GCSAML: variants seen among roughly 807,000 people sequenced by gnomAD.
GCSAML encodes germinal center-associated signaling and motility-like protein.
GCSAML carries 9 observed loss-of-function variants against 13.0 expected under a neutral mutation model. The observed-to-expected ratio is 0.69, with a 90% confidence interval of 0.42 to 1.21. The LOEUF (loss-of-function observed/expected upper bound fraction) is 1.21, where lower values mean the gene tolerates loss of function less well. Among genes scored for constraint, GCSAML ranks in the 50% most tolerant of loss-of-function variants. The probability of loss-of-function intolerance (pLI) is 0.00; values close to 1 mark genes in which losing one functional copy is unlikely to be tolerated. For synonymous variants in GCSAML, 37 were observed against 52.9 expected (o/e 0.70, Z 1.31); for missense variants, 143 against 153.4 (o/e 0.93, Z 0.36).
At chr1:247,512,843 T>C (rs1249829220) in intron 1 of GCSAML, among the ~76,000 whole-genome samples, 3 of 152,166 alleles carry the variant, frequency 2.0e-5, no homozygotes, top group Admixed American at 6.5e-5. Flanking sequence ...CAGCAGAGGC[T>C]GCAGAACAGC....
At chr1:247,541,765 T>C (rs1269674556) in intron 2 of GCSAML, among the ~76,000 whole-genome samples, 2 of 152,104 alleles carry the variant, frequency 1.3e-5, no homozygotes, top group Non-Finnish European at 2.9e-5. Flanking sequence ...ATCTCAGCAC[T>C]TTGGGAAGCT....
At chr1:247,531,262 T>C (rs766812239) in intron 2 of GCSAML, 10 of 408,210 alleles carry the variant, frequency 2.4e-5, no homozygotes, top group Non-Finnish European at 4.4e-5. Context: ...CTTCGGATAC[T>C]GAGGAACAGC....
At chr1:247,563,312 T>C (rs1668208837) in intron 2 of GCSAML, among the ~76,000 whole-genome samples, 1 of 152,220 alleles carries the variant, frequency 6.6e-6, no homozygotes, top group Non-Finnish European at 1.5e-5. Flanking sequence ...TTATATTATA[T>C]GTATGTTTTC....
Position 247,574,834 on chromosome 1 carries a change from GGATGAGTCATAAGACT to G in GCSAML, c.*458_*473del, listed in dbSNP as rs759591774. Reference sequence around the variant, plus strand: ...TTTGGAGTTTATGCACAAGTGACCAGGATGAGTCATAAGACTGATGAAATAGACTGATTGTGGCAAT... The same window carrying G: ...TTTGGAGTTTATGCACAAGTGACCAGGATGAAATAGACTGATTGTGGCAAT... On this transcript the variant is annotated 3_prime_UTR_variant, in exon 5 of 5. Transcript: ENST00000366488. 567 of 184,226 alleles carry G rather than the reference GGATGAGTCATAAGACT, an allele frequency of 3.1e-3. 3 individuals are homozygous for G. Among genetic ancestry groups the G allele is most frequent in the Non-Finnish European group, 4.8e-3 (415 of 86,684 alleles). The allele number at this position is 184,226 out of a possible 1,614,324, so 11.4% of individuals were successfully genotyped here. A position where few individuals can be genotyped will look rare whatever the true frequency, so the allele number is the denominator to read the frequency against.
At chr1:247,574,020 GT>G in intron 4 of GCSAML, 122 bp from the exon 5 acceptor site, 1 of 1,086,718 alleles carries the variant, frequency 9.2e-7, no homozygotes, top group Non-Finnish European at 1.3e-6. Flanking sequence ...GAATGCTTGG[GT>G]TTTGGATACC....
intron 2 of GCSAML, among the ~76,000 whole-genome samples, chr1:247,534,284 G>C (rs998942225): frequency 2.0e-5 from 3 of 152,116 alleles, no homozygotes; most frequent in Non-Finnish European, 4.4e-5. Flanking sequence ...CTAACCCAGT[G>C]TCTGATACAC....
chr1:247,532,080 C>T, intron 2 of GCSAML: 2 of 1,614,110 alleles, frequency 1.2e-6, no homozygotes, highest in Non-Finnish European at 1.7e-6. Context: ...CCAAAGCTAG[C>T]CCAAGGCAAA....
At chr1:247,532,180 G>C (rs1481994867) in intron 2 of GCSAML, 1 of 1,614,140 alleles carries the variant, frequency 6.2e-7, no homozygotes, top group Admixed American at 1.7e-5. Flanking sequence ...GACACACTCG[G>C]TTGCCCCCAG....
At chr1:247,532,266 G>A in intron 2 of GCSAML, 2 of 1,614,204 alleles carry the variant, frequency 1.2e-6, no homozygotes, top group Non-Finnish European at 1.7e-6. Context: ...GGTTAGCCAG[G>A]AGCTGTGGGA....
chr1:247,545,619 C>T (rs1483964220), upstream of GCSAML, among the ~76,000 whole-genome samples: 3 of 152,110 alleles, frequency 2.0e-5, no homozygotes, highest in African/African-American at 4.8e-5. Context: ...TCATATTTCC[C>T]TAATAATTAG....
intron 2 of GCSAML, chr1:247,531,941 C>T (rs1376164317): frequency 6.2e-7 from 1 of 1,614,158 alleles, no homozygotes; most frequent in African/African-American, 1.3e-5. Flanking sequence ...CTGGTATCCA[C>T]ACAAGCCAGT....
At chr1:247,513,289 C>T (rs751398566) in intron 1 of GCSAML, among the ~76,000 whole-genome samples, 6 of 152,186 alleles carry the variant, frequency 3.9e-5, no homozygotes, top group Admixed American at 1.3e-4. Flanking sequence ...TCAAATTTCC[C>T]GGTGGCTTTG....
intron 2 of GCSAML, chr1:247,533,820 C>T (rs1361694903): frequency 1.3e-5 from 2 of 152,212 alleles, no homozygotes; most frequent in Non-Finnish European, 2.9e-5. Flanking sequence ...ATGAATCTGC[C>T]ATTTGTCAGT....
Position 247,576,153 on chromosome 1 carries a change from A to G in GCSAML, c.*1771A>G, listed in dbSNP as rs949490496. 6.6e-6 allele frequency: 1 copy of G among 152,216 alleles called. No homozygotes were observed. Among genetic ancestry groups the G allele is most frequent in the African/African-American group, 2.4e-5 (1 of 41,460 alleles). The allele number at this position is 152,216 out of a possible 1,614,324, so 9.4% of individuals were successfully genotyped here. On this transcript the variant is annotated 3_prime_UTR_variant, in exon 5 of 5. Transcript: ENST00000366488. ...ATCTGAATAGCCTGAAGGTAATTTT[A>G]TACAATATTTTAAATAATTTTATGC...
At chr1:247,532,488 A>C in intron 2 of GCSAML, 1 of 1,613,888 alleles carries the variant, frequency 6.2e-7, no homozygotes, top group Middle Eastern at 1.7e-4. Context: ...CTTCTGGAGA[A>C]CTCACATTGG....
At chr1:247,556,614 A>C in intron 2 of GCSAML, 148 bp downstream of exon 2, 1 of 586,732 alleles carries the variant, frequency 1.7e-6, no homozygotes, top group Admixed American at 3.1e-5. Flanking sequence ...ATGACTTGGC[A>C]GCAGGTTAGA....
At chr1:247,535,230 G>T (rs897450172) in intron 2 of GCSAML, among the ~76,000 whole-genome samples, 1 of 152,136 alleles carries the variant, frequency 6.6e-6, no homozygotes, top group African/African-American at 2.4e-5. Context: ...CTAGAGGATG[G>T]CTTCAACCCA....
upstream of GCSAML, among the ~76,000 whole-genome samples, chr1:247,547,837 C>T (rs1014735837): frequency 6.6e-6 from 1 of 152,108 alleles, no homozygotes; most frequent in Non-Finnish European, 1.5e-5. Flanking sequence ...ACAGGATCCT[C>T]GGGTGATTTG....
intron 4 of GCSAML, 150 bp from the exon 5 acceptor site, chr1:247,573,993 C>T: frequency 1.3e-6 from 1 of 775,472 alleles, no homozygotes; most frequent in Non-Finnish European, 2.1e-6. Context: ...CTCTGCTTGT[C>T]TATTATTGGT....
Sources: gnomAD v4.1 joint callset for allele counts (sites outside exome capture counted in the v4.1 genomes callset) on GRCh38, gnomAD v4.1.1 for gene constraint, MANE v1.5 for transcripts, NCBI Gene and HGNC (gene_info 2026-07-23, HGNC 2026-07-21) for gene names.